Variants in RNF44 observed in about 807,000 individuals in gnomAD.
RNF44 encodes the protein ring finger protein 44.
A neutral mutation model predicts 53.6 loss-of-function variants in RNF44; 25 were observed. The ratio of observed to expected loss-of-function variants is 0.47; its 90% CI spans 0.34 to 0.65. The LOEUF (loss-of-function observed/expected upper bound fraction) is 0.65, where lower values mean the gene tolerates loss of function less well. Among genes scored for constraint, RNF44 ranks in the 30% least tolerant of loss-of-function variants. The pLI, the probability that RNF44 is intolerant of heterozygous loss-of-function variation, is 0.01. For synonymous variants in RNF44, 282 were observed against 252.2 expected (o/e 1.12, Z -1.12); for missense variants, 581 against 595.5 (o/e 0.98, Z 0.25).
At chr5:176,540,248 C>G (rs748734552), upstream of RNF44, among the ~76,000 whole-genome samples, 2 of 152,136 alleles carry the variant, frequency 1.3e-5, no homozygotes, top group African/African-American at 4.8e-5. Flanking sequence ...TACGGGTACC[C>G]CAGCCTCATT....
chr5:176,532,560 T>C lies in RNF44; in HGVS notation c.-44-44A>G, dbSNP rs977851484. 2.0e-5 allele frequency: 29 copies of C among 1,431,588 alleles called. No homozygotes were observed. In the Middle Eastern group the frequency reaches 5.7e-4, roughly 28 times the overall value. The allele number at this position is 1,431,588 out of a possible 1,614,324, so 88.7% of individuals were successfully genotyped here. ...AGAAGACTGAGGCACCTGGCCAACA[T>C]GGTGAAACCTCGTCTCTGCTAAAAA... is the stretch of plus-strand genomic sequence containing the variant. On this transcript the variant is annotated intron_variant, in intron 1 of 10. Transcript: ENST00000274811.
chr5:176,530,887 C>A lies in RNF44; in HGVS notation c.600G>T (p.Leu200=). The change falls in exon 5 of 11, where the codon CTG becomes CTT. Residue 200 remains leucine (L), a synonymous_variant. Transcript: ENST00000274811. Reference sequence around the variant, plus strand: ...GGGTCTGCAGAGACACAAACTGCCCCAGGGGCGCCATGTGGGTGGGCTGGG... The same window carrying A: ...GGGTCTGCAGAGACACAAACTGCCCAAGGGGCGCCATGTGGGTGGGCTGGG... The part of the protein sequence containing the change: ...PPPQPTHMAP[L]GQFVSLQTQH... The A allele has an allele frequency of 2.6e-6, 1 of 383,926 alleles. No individual in the cohort carries two copies. Among genetic ancestry groups the A allele is most frequent in the Non-Finnish European group, 3.6e-6 (1 of 278,036 alleles). The allele number at this position is 383,926 out of a possible 1,614,324, so 23.8% of individuals were successfully genotyped here. A position where few individuals can be genotyped will look rare whatever the true frequency, so the allele number is the denominator to read the frequency against.
intron 1 of RNF44, among the ~76,000 whole-genome samples, chr5:176,534,632 G>A (rs934527082): frequency 1.3e-5 from 2 of 152,262 alleles, no homozygotes; most frequent in African/African-American, 4.8e-5. Flanking sequence ...AGTTGTCACA[G>A]CACAGCTAGA....
At chr5:176,529,861 G>C (rs373272107) in intron 7 of RNF44, 43 bp from the exon 8 acceptor site, 13 of 1,528,036 alleles carry the variant, frequency 8.5e-6, no homozygotes, top group Non-Finnish European at 1.1e-5. Flanking sequence ...AAGGTCAGGA[G>C]TGGGGCACAC....
In RNF44 at chr5:176,528,975, A is replaced by G. The variant is rs1756293228; in HGVS notation, c.*53T>C. 6.4e-7 allele frequency: 1 copy of G among 1,566,036 alleles called. No individual in the cohort carries two copies. Among genetic ancestry groups the G allele is most frequent in the Non-Finnish European group, 8.7e-7 (1 of 1,146,108 alleles). On this transcript the variant is annotated 3_prime_UTR_variant, in exon 11 of 11. Transcript: ENST00000274811. Reference sequence around the variant, plus strand: ...TCCCCATCCTCCCTGGGCCCCACCCACAAGTTTCCAGAGCTTCAGGCAGGG... The same window carrying G: ...TCCCCATCCTCCCTGGGCCCCACCCGCAAGTTTCCAGAGCTTCAGGCAGGG...
In RNF44 at chr5:176,531,376, G is replaced by A; in HGVS notation, c.465+87C>T. On this transcript the variant is annotated intron_variant, in intron 4 of 10. Transcript: ENST00000274811. The surrounding 1 kb of genome is among the most constrained non-coding windows in gnomAD (Gnocchi z 4.2). ...CTGGATGGCTGGATAGCTCAGCCCA[G>A]TTCAGGGCTGCCCTGGGCCCGCTGA... is the stretch of plus-strand genomic sequence containing the variant. 1.0e-5 allele frequency: 14 copies of A among 1,370,222 alleles called. No homozygotes were observed. Among genetic ancestry groups the A allele is most frequent in the Non-Finnish European group, 1.4e-5 (14 of 1,013,530 alleles). The allele number at this position is 1,370,222 out of a possible 1,614,324, so 84.9% of individuals were successfully genotyped here. A position where few individuals can be genotyped will look rare whatever the true frequency, so the allele number is the denominator to read the frequency against.
rs1756139962 is a variant in RNF44 at position 176,527,575 on chromosome 5, G to GGC, written c.*1451_*1452dup. 1 of 152,462 alleles carries GGC rather than the reference G, an allele frequency of 6.6e-6. No individual in the cohort carries two copies. The highest frequency in any genetic ancestry group is 2.4e-5 in the African/African-American group (1 of 41,432). 9.4% of individuals were successfully genotyped at this position (152,462 alleles called of 1,614,324 possible). The stretch of plus-strand genomic sequence containing the variant: ...CCATGGGGGTGGGACCAGGCTGACG[G>GGC]GCCCCACGGCAGGCTGGGGCGGGAG... On this transcript the variant is annotated 3_prime_UTR_variant, in exon 11 of 11. Transcript: ENST00000274811.
chr5:176,532,140 G>A lies in RNF44; in HGVS notation c.161C>T (p.Pro54Leu). The part of the protein sequence containing the change: ...ASPPARDERL[P>L]SQQPPSRPPH... ...AGGTCGGGACGGCGGCTGCTGGGAG[G>A]GTAAGCGCTCATCCCGGGCAGGCGG... Residue 54 changes from proline (P) to leucine (L), a missense_variant, in exon 3 of 11, where the codon CCC becomes CTC. Physicochemically the swap from Pro to Leu is moderately conservative, Grantham distance 98. Coordinates refer to ENST00000274811, the MANE Select transcript of RNF44 (RefSeq NM_014901.5). The A allele has an allele frequency of 6.3e-7, 1 of 1,575,410 alleles. No individual in the cohort carries two copies. The highest frequency in any genetic ancestry group is 8.6e-7 in the Non-Finnish European group (1 of 1,162,936).
upstream of RNF44, among the ~76,000 whole-genome samples, chr5:176,541,676 C>T (rs1312619703): frequency 6.6e-6 from 1 of 152,168 alleles, no homozygotes; most frequent in East Asian, 1.9e-4. Context: ...GGGGCCCTGC[C>T]CGACTAGGGT....
At chr5:176,539,856 C>T (rs1044581291), upstream of RNF44, among the ~76,000 whole-genome samples, 3 of 152,118 alleles carry the variant, frequency 2.0e-5, no homozygotes, top group South Asian at 2.1e-4. Flanking sequence ...TTTTCAGGCT[C>T]GCCTCTCCCC....
chr5:176,542,034 TGTGC>T (rs139469056), upstream of RNF44, among the ~76,000 whole-genome samples: 2,168 of 152,316 alleles, frequency 0.014, 47 homozygotes, highest in African/African-American at 0.049. Context: ...CTTAAGTGGC[TGTGC>T]GTGCAGATGG....
chr5:176,531,222 C>T lies in RNF44; in HGVS notation c.466-201G>A, dbSNP rs1756626573. On this transcript the variant is annotated intron_variant, in intron 4 of 10. Transcript: ENST00000274811. This position sits in a 1 kb window ranked among gnomAD's most constrained non-coding sequence, Gnocchi z 4.2. ...ACTGTTAAGGCCCACAGCCTCAACTCCTGGGCCTCTGCCAAGCTGTGAGGC... is the reference window on the plus strand; with the variant it reads ...ACTGTTAAGGCCCACAGCCTCAACTTCTGGGCCTCTGCCAAGCTGTGAGGC... 6.6e-6 allele frequency among the ~76,000 whole-genome samples: 1 copy of T among 152,264 alleles called. No homozygotes were observed. The highest frequency in any genetic ancestry group is 1.5e-5 in the Non-Finnish European group (1 of 68,042).
Position 176,530,829 on chromosome 5 carries a change from C to T in RNF44, c.639+19G>A, listed in dbSNP as rs942557747. 7.7e-6 allele frequency: 11 copies of T among 1,436,676 alleles called. No homozygotes were observed. Among genetic ancestry groups the T allele is most frequent in the African/African-American group, 1.5e-5 (1 of 65,396 alleles). 89.0% of individuals were successfully genotyped at this position (1,436,676 alleles called of 1,614,324 possible). Reference sequence around the variant, plus strand: ...CCCCCACGCCATCTCCCTCCAGCATCGGACCCATGCCGACTCACCATCCGA... The same window carrying T: ...CCCCCACGCCATCTCCCTCCAGCATTGGACCCATGCCGACTCACCATCCGA... On this transcript the variant is annotated intron_variant, in intron 5 of 10. Transcript: ENST00000274811.
At chr5:176,543,237 C>T in the RNF44 span, among the ~76,000 whole-genome samples, 1 of 147,040 alleles carries the variant, frequency 6.8e-6, no homozygotes. This position sits in a 1 kb window ranked among gnomAD's most constrained non-coding sequence, Gnocchi z 4.0. Flanking sequence ...GGGCGCTCGG[C>T]GCAGGGTCCG....
In RNF44 at chr5:176,527,157, C is replaced by T. The variant is rs1425450816; in HGVS notation, c.*1871G>A. ...AGGGCTGGGGGAAGGTGCCCACTGT[C>T]ATGCCTAGGCCAGAAGTTGGTAAAT... is the stretch of plus-strand genomic sequence containing the variant. On this transcript the variant is annotated 3_prime_UTR_variant, in exon 11 of 11. Transcript: ENST00000274811. 6.6e-6 allele frequency: 1 copy of T among 152,404 alleles called. No homozygotes were observed. The highest frequency in any genetic ancestry group is 1.5e-5 in the Non-Finnish European group (1 of 68,048). 9.4% of individuals were successfully genotyped at this position (152,404 alleles called of 1,614,324 possible).
At position 176,530,908 on chromosome 5, in the gene RNF44, CTGGGGGGG is replaced by C. The variant is rs781672212; in HGVS notation, c.571_578del (p.Pro191AlafsTer138). ...GCCCCAGGGGCGCCATGTGGGTGGG[CTGGGGGGG>C]TGGGGCCGGTGGTGGGGGGTGCAGG... On this transcript the variant is annotated frameshift_variant, in exon 5 of 11. Transcript: ENST00000274811. LOFTEE classifies it high-confidence loss of function. 3 of 122,612 alleles carry C rather than the reference CTGGGGGGG, an allele frequency of 2.4e-5. No homozygotes were observed. Among genetic ancestry groups the C allele is most frequent in the Non-Finnish European group, 3.1e-5 (2 of 63,806 alleles). The allele number at this position is 122,612 out of a possible 1,614,324, so 7.6% of individuals were successfully genotyped here. A position where few individuals can be genotyped will look rare whatever the true frequency, so the allele number is the denominator to read the frequency against.
rs779229105 is a variant in RNF44, at chr5:176,530,878, A to C, written c.609T>G (p.Phe203Leu). ...GAGGGTGCTGGGTCTGCAGAGACACAAACTGCCCCAGGGGCGCCATGTGGG... is the reference window on the plus strand; with the variant it reads ...GAGGGTGCTGGGTCTGCAGAGACACCAACTGCCCCAGGGGCGCCATGTGGG... ...QPTHMAPLGQ[F>L]VSLQTQHPRM... Residue 203 changes from phenylalanine to leucine, a missense_variant, in exon 5 of 11, where the codon TTT (phenylalanine) becomes TTG (leucine). This residue lies in a region of RNF44 where 387 missense variants were observed against 366.0 expected (regional missense o/e 1.06). Coordinates refer to ENST00000274811, the MANE Select transcript of RNF44 (RefSeq NM_014901.5). The C allele has an allele frequency of 1.0e-6, 1 of 992,652 alleles. No individual in the cohort carries two copies. The highest frequency in any genetic ancestry group is 1.3e-6 in the Non-Finnish European group (1 of 778,550). 61.5% of individuals were successfully genotyped at this position (992,652 alleles called of 1,614,324 possible).
rs538240042 is a variant in RNF44 at position 176,532,890 on chromosome 5, C to T, written c.-44-374G>A. Among the ~76,000 whole-genome samples the T allele has an allele frequency of 6.4e-4, 98 of 152,294 alleles. 1 individual carries two copies. The highest frequency in any genetic ancestry group is 2.2e-3 in the African/African-American group (90 of 41,564). The stretch of plus-strand genomic sequence containing the variant: ...TTCAGCCGTGCCCCTCCTCCGAGCC[C>T]TGGGGTCCAGTGCTGACACGCCAGG... On this transcript the variant is annotated intron_variant, in intron 1 of 10. Coordinates refer to ENST00000274811, the MANE Select transcript of RNF44 (RefSeq NM_014901.5).
chr5:176,539,996 T>G (rs1757411563), upstream of RNF44, among the ~76,000 whole-genome samples: 1 of 152,238 alleles, frequency 6.6e-6, no homozygotes, highest in African/African-American at 2.4e-5. Flanking sequence ...CATTTCACTT[T>G]TCGGCGGTTT....
Sources: allele counts gnomAD v4.1 joint callset (sites outside exome capture counted in the v4.1 genomes callset), GRCh38; gene constraint gnomAD v4.1.1; regional missense constraint gnomAD v4.1.1; non-coding constraint Gnocchi (gnomAD v3.1); transcripts MANE v1.5; gene names NCBI Gene and HGNC (gene_info 2026-07-23, HGNC 2026-07-21).